Variants in CLEC16A observed in about 807,000 individuals in gnomAD.
CLEC16A encodes the protein protein CLEC16A.
CLEC16A carries 51 observed loss-of-function variants against 109.5 expected under a neutral mutation model. The ratio of observed to expected loss-of-function variants is 0.47; its 90% CI spans 0.37 to 0.59. CLEC16A has a LOEUF of 0.59. Ranked by LOEUF, CLEC16A falls within the 20% of genes least tolerant of loss-of-function variation. The pLI is 0.00. For missense variants in CLEC16A, 1,339 were observed against 1,394.0 expected (o/e 0.96, Z 0.63); for synonymous variants, 673 against 564.2 (o/e 1.19, Z -2.73).
chr16:11,102,091 G>A (rs35715760), intron 19 of CLEC16A, among the ~76,000 whole-genome samples: 19,002 of 151,746 alleles, frequency 0.13, 1,204 homozygotes, highest in South Asian at 0.14. Context: ...GGGATTATAG[G>A]TGTGAGCCAC....
At chr16:11,080,030 C>T (rs1014699715) in intron 19 of CLEC16A, among the ~76,000 whole-genome samples, 1 of 152,234 alleles carries the variant, frequency 6.6e-6, no homozygotes, top group Admixed American at 6.5e-5. Context: ...CATCTTGTTC[C>T]TATCATAGCA....
chr16:11,123,883 G>T lies in CLEC16A; in HGVS notation c.2410G>T (p.Ala804Ser), dbSNP rs74163623. ...CTCAGACCACATCCGCTGCATCATC[G>T]CCAAGCAGCGCCTGGCCAAAGGCCG... ...IFSDHIRCII[A>S]KQRLAKGRIQ... The change falls in exon 21 of 24, where the codon GCC becomes TCC. Residue 804 changes from alanine to serine, a missense_variant. Transcript: ENST00000409790. 50 of 1,613,702 alleles carry T rather than the reference G, an allele frequency of 3.1e-5. No homozygotes were observed. Among genetic ancestry groups the T allele is most frequent in the Non-Finnish European group, 1.6e-5 (19 of 1,179,888 alleles).
chr16:10,988,173 A>G (rs889851571), intron 10 of CLEC16A, among the ~76,000 whole-genome samples: 2 of 152,250 alleles, frequency 1.3e-5, no homozygotes, highest in Admixed American at 1.3e-4. Context: ...GAATGAACAT[A>G]TAGATTAGAA....
At chr16:11,148,328 G>T (rs991071038) in intron 22 of CLEC16A, among the ~76,000 whole-genome samples, 3 of 152,156 alleles carry the variant, frequency 2.0e-5, no homozygotes, top group Non-Finnish European at 4.4e-5. Context: ...TTATGTCTTG[G>T]ATGTAGTTAG....
At position 11,003,306 on chromosome 16, in the gene CLEC16A, G is replaced by A. The variant is rs2044781068; in HGVS notation, c.1303+1G>A. ...ATCAAGACGAGTGGGGAGAGTGAAG[G>A]TGAGTGTCCCCATGAACGCCGCCCT... is the stretch of plus-strand genomic sequence containing the variant. On this transcript the variant is annotated splice_donor_variant, in intron 11 of 23. Transcript: ENST00000409790. LOFTEE classifies it high-confidence loss of function. 1 of 1,609,886 alleles carries A rather than the reference G, an allele frequency of 6.2e-7. No individual in the cohort carries two copies. The highest frequency in any genetic ancestry group is 1.3e-5 in the African/African-American group (1 of 74,770).
intron 8 of CLEC16A, among the ~76,000 whole-genome samples, chr16:10,978,945 ACCT>A (rs750108523): frequency 6.6e-6 from 1 of 151,492 alleles, no homozygotes; most frequent in Non-Finnish European, 1.5e-5. Context: ...AGTGCCCTAA[ACCT>A]CCTCCCCCAT....
At chr16:11,011,183 C>A (rs1410845137) in intron 11 of CLEC16A, among the ~76,000 whole-genome samples, 2 of 152,186 alleles carry the variant, frequency 1.3e-5, no homozygotes, top group Non-Finnish European at 2.9e-5. Context: ...TAAAATTCCC[C>A]CTTAGATTTG....
intron 19 of CLEC16A, among the ~76,000 whole-genome samples, chr16:11,089,073 A>G (rs1411333448): frequency 6.6e-6 from 1 of 152,036 alleles, no homozygotes; most frequent in Non-Finnish European, 1.5e-5. Context: ...TTCTGGACCA[A>G]GCTCTTCGCA....
intron 22 of CLEC16A, among the ~76,000 whole-genome samples, chr16:11,163,864 G>A (rs557206607): frequency 2.0e-5 from 3 of 152,240 alleles, no homozygotes; most frequent in East Asian, 3.9e-4. Flanking sequence ...TAGGCAGCTC[G>A]GGAAAAGCCA....
intron 19 of CLEC16A, among the ~76,000 whole-genome samples, chr16:11,096,445 G>A (rs2050615272): frequency 6.6e-6 from 1 of 152,120 alleles, no homozygotes; most frequent in South Asian, 2.1e-4. Context: ...CCAGACCTGT[G>A]TCCCAAGAAG....
At chr16:10,960,401 G>C (rs2042198950) in intron 2 of CLEC16A, among the ~76,000 whole-genome samples, 1 of 152,184 alleles carries the variant, frequency 6.6e-6, no homozygotes, top group East Asian at 1.9e-4. Flanking sequence ...CCCAATCTGG[G>C]TTTGTCTCAT....
intron 19 of CLEC16A, among the ~76,000 whole-genome samples, chr16:11,078,278 G>T (rs1597313376): frequency 6.6e-6 from 1 of 152,070 alleles, no homozygotes; most frequent in Non-Finnish European, 1.5e-5. Context: ...TGAGTCACTG[G>T]CTCCGGGGTG....
In CLEC16A at chr16:10,966,289, G is replaced by A. The variant is rs929948509; in HGVS notation, c.344-2872G>A. On this transcript the variant is annotated intron_variant, in intron 3 of 23. Transcript: ENST00000409790. Reference sequence around the variant, plus strand: ...AAAGCCCTCAGATGTGGTAATAAGCGAAAGAGGCCAGACATAGGAAGTGTG... The same window carrying A: ...AAAGCCCTCAGATGTGGTAATAAGCAAAAGAGGCCAGACATAGGAAGTGTG... 4.6e-5 allele frequency among the ~76,000 whole-genome samples: 7 copies of A among 152,220 alleles called. No homozygotes were observed. The South Asian group carries it at 6.2e-4, about 14-fold the overall frequency.
chr16:11,064,884 C>T (rs368809869), intron 19 of CLEC16A, among the ~76,000 whole-genome samples: 3 of 152,152 alleles, frequency 2.0e-5, no homozygotes, highest in East Asian at 1.9e-4. Flanking sequence ...TAGTAGGTGC[C>T]CAGTGAGTGG....
intron 13 of CLEC16A, chr16:11,027,035 A>G (rs779208410): frequency 4.8e-5 from 76 of 1,568,556 alleles, no homozygotes; most frequent in Non-Finnish European, 6.2e-5. Context: ...TGGCGGAGGA[A>G]GAGCAAAGAA....
intron 22 of CLEC16A, among the ~76,000 whole-genome samples, chr16:11,163,677 C>T (rs1490979982): frequency 6.6e-6 from 1 of 152,160 alleles, no homozygotes; most frequent in East Asian, 1.9e-4. Context: ...CTGTAATAAA[C>T]CATGGCTTTA....
chr16:10,947,914 AT>A (rs1231497846), intron 1 of CLEC16A, among the ~76,000 whole-genome samples: 18 of 143,000 alleles, frequency 1.3e-4, no homozygotes, highest in Middle Eastern at 7.2e-3. Flanking sequence ...TTTTTTTGAG[AT>A]AAGAGTCTTG....
rs202183322 is a variant in CLEC16A at position 11,039,791 on chromosome 16, C to T, written c.1575C>T (p.Pro525=). The part of the protein sequence containing the change: ...DPEKLERIQL[P]VPNAAEKTTY... ...AAAAATTAGAGCGAATCCAGCTCCC[C>T]GTGCCAAATGCGGCCGAGAAGACCA... The change falls in exon 14 of 24, where the codon CCC becomes CCT. Residue 525 remains proline (P), a synonymous_variant. Transcript: ENST00000409790. The T allele has an allele frequency of 8.7e-6, 14 of 1,607,894 alleles. No individual in the cohort carries two copies. Among genetic ancestry groups the T allele is most frequent in the African/African-American group, 2.7e-5 (2 of 74,718 alleles).
intron 16 of CLEC16A, among the ~76,000 whole-genome samples, chr16:11,046,153 C>T (rs2047624478): frequency 2.0e-5 from 3 of 152,116 alleles, no homozygotes; most frequent in Admixed American, 2.0e-4. Context: ...AGTTTATGTC[C>T]TCTAGAAAGC....
Sources: gnomAD v4.1 joint callset for allele counts (sites outside exome capture counted in the v4.1 genomes callset) on GRCh38, gnomAD v4.1.1 for gene constraint, MANE v1.5 for transcripts, NCBI Gene and HGNC (gene_info 2026-07-23, HGNC 2026-07-21) for gene names.